ADCY1: variants seen among roughly 807,000 people sequenced by gnomAD.
The protein encoded by ADCY1 is adenylate cyclase 1.
Under a neutral mutation model 105.4 loss-of-function variants are expected in ADCY1, and 28 were observed. The observed-to-expected ratio is 0.27, with a 90% CI of 0.20 to 0.36. The LOEUF is 0.36. Among genes scored for constraint, ADCY1 ranks in the 10% least tolerant of loss-of-function variants. The probability of loss-of-function intolerance (pLI) is 1.00; values close to 1 mark genes in which losing one functional copy is unlikely to be tolerated. For missense variants in ADCY1, 977 were observed against 1,434.2 expected (o/e 0.68, Z 5.15); for synonymous variants, 655 against 623.8 (o/e 1.05, Z -0.75).
At chr7:45,664,468 T>C in intron 8 of ADCY1, 1 of 1,513,308 alleles carries the variant, frequency 6.6e-7, no homozygotes, top group Non-Finnish European at 8.8e-7. Context: ...ACGCCAGCTC[T>C]GTTCTTCTCT....
chr7:45,586,976 C>G (rs1792747514), intron 1 of ADCY1, among the ~76,000 whole-genome samples: 1 of 152,250 alleles, frequency 6.6e-6, no homozygotes, highest in Non-Finnish European at 1.5e-5. Context: ...GTTTGGAGGA[C>G]TGTCCTGCAG....
chr7:45,676,714 T>G (rs1459039341), intron 8 of ADCY1, among the ~76,000 whole-genome samples: 1 of 152,134 alleles, frequency 6.6e-6, no homozygotes, highest in Non-Finnish European at 1.5e-5. Context: ...CTCCACTCCC[T>G]GTTCAGGTTT....
chr7:45,670,520 A>C (rs1052265313), intron 8 of ADCY1, among the ~76,000 whole-genome samples: 2 of 152,164 alleles, frequency 1.3e-5, no homozygotes, highest in Non-Finnish European at 2.9e-5. Context: ...ACCTGTGTTC[A>C]TCAGCCCCGA....
intron 3 of ADCY1, among the ~76,000 whole-genome samples, chr7:45,610,981 G>GAGGTGATGGTGGAGGTGGGGA (rs79725395): frequency 8.3e-4 from 1 of 1,210 alleles, no homozygotes; most frequent in African/African-American, 3.1e-3. Flanking sequence ...TGGAGGTGGG[G>GAGGTGATGGTGGAGGTGGGGA]GGTGATAGTG....
In ADCY1 at chr7:45,675,180, A is replaced by G. The variant is rs549277028; in HGVS notation, c.1606-2689A>G. Among the ~76,000 whole-genome samples, 4 of 152,154 alleles carry G rather than the reference A, an allele frequency of 2.6e-5. No homozygotes were observed. In the East Asian group the frequency reaches 7.7e-4, roughly 29 times the overall value. On this transcript the variant is annotated intron_variant, in intron 8 of 19. Transcript: ENST00000297323. The stretch of plus-strand genomic sequence containing the variant: ...TTTTTAGAATTCCATTTTGATTTAT[A>G]TATAGTATATCTTGTTGCATACAAT...
intron 17 of ADCY1, among the ~76,000 whole-genome samples, chr7:45,707,690 G>A (rs1785147693): frequency 6.6e-6 from 1 of 152,116 alleles, no homozygotes; most frequent in African/African-American, 2.4e-5. Context: ...ATCAATATTG[G>A]TTCATCAGTT....
chr7:45,685,036 G>A lies in ADCY1; in HGVS notation c.2041G>A (p.Val681Ile). The A allele has an allele frequency of 6.2e-7, 1 of 1,614,192 alleles. No homozygotes were observed. The highest frequency in any genetic ancestry group is 8.5e-7 in the Non-Finnish European group (1 of 1,180,016). The change falls in exon 12 of 20, where the codon GTC (valine) becomes ATC (isoleucine). Residue 681 changes from valine (V) to isoleucine (I), a missense_variant. Around this residue, in one of 7 missense-constraint regions of ADCY1, gnomAD observed 275 missense variants for 362.1 expected, o/e 0.76. Transcript: ENST00000297323. ...CACTGTCCTGTGTATTTTCATAGTGGTCTTAATCTACTCAGTAGCCCAAGG... is the reference window on the plus strand; with the variant it reads ...CACTGTCCTGTGTATTTTCATAGTGATCTTAATCTACTCAGTAGCCCAAGG... The part of the protein sequence containing the change: ...IRTVLCIFIV[V>I]LIYSVAQGCV...
chr7:45,627,617 C>T (rs934352300), intron 4 of ADCY1, among the ~76,000 whole-genome samples: 11 of 152,124 alleles, frequency 7.2e-5, no homozygotes, highest in African/African-American at 2.4e-4. Flanking sequence ...CCTCTGATGG[C>T]GCCCACATAT....
intron 14 of ADCY1, among the ~76,000 whole-genome samples, chr7:45,693,470 C>G (rs1000512106): frequency 1.9e-4 from 28 of 144,742 alleles, no homozygotes; most frequent in Non-Finnish European, 3.2e-4. Context: ...GTCCTGGACT[C>G]TTTTTGGTTG....
At position 45,694,115 on chromosome 7, in the gene ADCY1, TAAAAAA is replaced by T. The variant is rs140981457; in HGVS notation, c.2454+7459_2454+7464del. ...ATGTACCCTAAAACTTAGAGTATAA[TAAAAAA>T]AAAAAAAAAAAAAAAACACTGTCAA... On this transcript the variant is annotated intron_variant, in intron 14 of 19. Coordinates refer to ENST00000297323, the MANE Select transcript of ADCY1 (RefSeq NM_021116.4). 3.5e-3 allele frequency among the ~76,000 whole-genome samples: 406 copies of T among 115,444 alleles called. 3 individuals are homozygous for T. The highest frequency in any genetic ancestry group is 0.011 in the African/African-American group (335 of 30,428). 75.7% of individuals were successfully genotyped at this position (115,444 alleles called of 152,430 possible).
chr7:45,575,145 C>G lies in ADCY1; in HGVS notation c.602C>G (p.Thr201Ser). The G allele has an allele frequency of 6.2e-7, 1 of 1,609,634 alleles. No individual in the cohort carries two copies. The highest frequency in any genetic ancestry group is 8.5e-7 in the Non-Finnish European group (1 of 1,178,484). Residue 201 changes from threonine to serine, a missense_variant, in exon 1 of 20, where the codon ACC (threonine) becomes AGC (serine). Thr to Ser is a moderately conservative substitution (Grantham distance 58). This residue lies in a region of ADCY1 where 196 missense variants were observed against 347.8 expected (regional missense o/e 0.56). Coordinates refer to ENST00000297323, the MANE Select transcript of ADCY1 (RefSeq NM_021116.4). This position sits in a 1 kb window ranked among gnomAD's most constrained non-coding sequence, Gnocchi z 4.7. ...GCGTCGCACTTGCTGGTCACAGCCA[C>G]CTTGGTCCCCGCCAAGCGCCCACGT... Reference protein sequence around the residue: ...VAASHLLVTATLVPAKRPRLW... With the variant: ...VAASHLLVTASLVPAKRPRLW...
In ADCY1 at chr7:45,591,265, A is replaced by T. The variant is rs1302373281; in HGVS notation, c.640-1494A>T. Among the ~76,000 whole-genome samples, 5 of 152,130 alleles carry T rather than the reference A, an allele frequency of 3.3e-5. No individual in the cohort carries two copies. The highest frequency in any genetic ancestry group is 1.2e-4 in the African/African-American group (5 of 41,430). On this transcript the variant is annotated intron_variant, in intron 1 of 19. Coordinates refer to ENST00000297323, the MANE Select transcript of ADCY1 (RefSeq NM_021116.4). The surrounding 1 kb of genome is among the most constrained non-coding windows in gnomAD (Gnocchi z 4.1). ...CAGCCCCAGCATCCAGTAGGTGGCCAGGAGCTGCCAGGTCTCCCTCCTAGA... is the reference window on the plus strand; with the variant it reads ...CAGCCCCAGCATCCAGTAGGTGGCCTGGAGCTGCCAGGTCTCCCTCCTAGA...
chr7:45,718,837 G>A lies in ADCY1; in HGVS notation c.*4842G>A, dbSNP rs111953644. On this transcript the variant is annotated 3_prime_UTR_variant, in exon 20 of 20. Transcript: ENST00000297323. ...TGAGGACTGCTCCCCCTGCATGGAG[G>A]GCAGGCCAGGATGGAGCCCAGGGTA... is the stretch of plus-strand genomic sequence containing the variant. 2.0e-5 allele frequency: 3 copies of A among 152,722 alleles called. No individual in the cohort carries two copies. The highest frequency in any genetic ancestry group is 4.4e-5 in the Non-Finnish European group (3 of 68,184). 9.5% of individuals were successfully genotyped at this position (152,722 alleles called of 1,614,324 possible). A position where few individuals can be genotyped will look rare whatever the true frequency, so the allele number is the denominator to read the frequency against.
chr7:45,723,049 G>T lies in ADCY1; in HGVS notation c.*9054G>T, dbSNP rs1451217679. The T allele has an allele frequency of 6.6e-6, 1 of 152,494 alleles. No individual in the cohort carries two copies. Among genetic ancestry groups the T allele is most frequent in the Non-Finnish European group, 1.5e-5 (1 of 68,020 alleles). The allele number at this position is 152,494 out of a possible 1,614,324, so 9.4% of individuals were successfully genotyped here. A position where few individuals can be genotyped will look rare whatever the true frequency, so the allele number is the denominator to read the frequency against. On this transcript the variant is annotated 3_prime_UTR_variant, in exon 20 of 20. Coordinates refer to ENST00000297323, the MANE Select transcript of ADCY1 (RefSeq NM_021116.4). Reference sequence around the variant, plus strand: ...ATTTCTTAATTGCAACTTTTCTACTGAGTGTTTGCACTATACTTTCTGGAA... The same window carrying T: ...ATTTCTTAATTGCAACTTTTCTACTTAGTGTTTGCACTATACTTTCTGGAA...
At chr7:45,595,993 G>C (rs1793060814) in intron 2 of ADCY1, among the ~76,000 whole-genome samples, 1 of 152,236 alleles carries the variant, frequency 6.6e-6, no homozygotes, top group African/African-American at 2.4e-5. Flanking sequence ...GGATGGCAGA[G>C]GGGAGCACTT....
chr7:45,579,688 A>G (rs1244872149), intron 1 of ADCY1, among the ~76,000 whole-genome samples: 1 of 152,154 alleles, frequency 6.6e-6, no homozygotes, highest in Non-Finnish European at 1.5e-5. Flanking sequence ...GTGTGAAGGT[A>G]GGGAGTGGGC....
intron 4 of ADCY1, among the ~76,000 whole-genome samples, chr7:45,641,189 G>C (rs1377272939): frequency 6.6e-6 from 1 of 152,110 alleles, no homozygotes; most frequent in Non-Finnish European, 1.5e-5. Context: ...TGCTCTCCTT[G>C]TGGATCCTTT....
intron 14 of ADCY1, among the ~76,000 whole-genome samples, chr7:45,700,519 TG>T (rs1255808326): frequency 3.9e-5 from 6 of 152,174 alleles, no homozygotes; most frequent in Admixed American, 1.3e-4. Context: ...TTGTGGACCC[TG>T]GGATGCCCGC....
chr7:45,690,597 GT>G (rs1784768010), intron 14 of ADCY1, among the ~76,000 whole-genome samples: 1 of 152,218 alleles, frequency 6.6e-6, no homozygotes, highest in African/African-American at 2.4e-5. Flanking sequence ...GGCCTCCCTG[GT>G]ACAGAACCGG....
Sources: allele counts gnomAD v4.1 joint callset (sites outside exome capture counted in the v4.1 genomes callset), GRCh38; gene constraint gnomAD v4.1.1; regional missense constraint gnomAD v4.1.1; non-coding constraint Gnocchi (gnomAD v3.1); transcripts MANE v1.5; gene names NCBI Gene and HGNC (gene_info 2026-07-23, HGNC 2026-07-21).